GNG12: variants seen among roughly 807,000 people sequenced by gnomAD.
GNG12 encodes the protein G protein subunit gamma 12.
For synonymous variants in GNG12, 28 were observed against 29.7 expected, an observed-to-expected ratio of 0.94 and a Z score of 0.19; for missense variants, 69 against 83.8, an observed-to-expected ratio of 0.82 and a Z score of 0.69.
chr1:67,719,812 C>T (rs1646346850), intron 2 of GNG12, among the ~76,000 whole-genome samples: 1 of 152,208 alleles, frequency 6.6e-6, no homozygotes. Context: ...AGGATTTCAA[C>T]CCAGATATCT....
At chr1:67,813,109 G>C (rs975207005) in intron 1 of GNG12, among the ~76,000 whole-genome samples, 24 of 152,118 alleles carry the variant, frequency 1.6e-4, no homozygotes, top group Non-Finnish European at 4.4e-5. Context: ...TCCTGACTCT[G>C]GCCACTCTTC....
intron 1 of GNG12, among the ~76,000 whole-genome samples, chr1:67,797,288 T>C (rs1223558454): frequency 1.3e-5 from 2 of 152,170 alleles, no homozygotes; most frequent in Non-Finnish European, 2.9e-5. Context: ...CCAAAATTAT[T>C]TTTCTACTCA....
chr1:67,777,790 A>G (rs987109055), intron 1 of GNG12, among the ~76,000 whole-genome samples: 2 of 152,226 alleles, frequency 1.3e-5, no homozygotes, highest in Admixed American at 6.5e-5. Context: ...AGTCAGGGGA[A>G]GCCTCTCTAG....
intron 1 of GNG12, among the ~76,000 whole-genome samples, chr1:67,814,734 G>T (rs2249592): frequency 0.013 from 1,997 of 152,252 alleles, 46 homozygotes; most frequent in African/African-American, 0.046. Context: ...GTCTCTTAAA[G>T]CTATTAGAAA....
intron 1 of GNG12, among the ~76,000 whole-genome samples, chr1:67,780,626 A>T (rs1461848993): frequency 1.3e-5 from 2 of 152,180 alleles, no homozygotes; most frequent in African/African-American, 4.8e-5. Context: ...AGGCCTGATA[A>T]AAACGCACCA....
intron 2 of GNG12, among the ~76,000 whole-genome samples, chr1:67,734,413 T>C (rs1646439849): frequency 6.6e-6 from 1 of 152,220 alleles, no homozygotes; most frequent in African/African-American, 2.4e-5. Flanking sequence ...TGACTACTTC[T>C]GTATGTGCAC....
chr1:67,717,260 A>T (rs1022879525), intron 2 of GNG12, among the ~76,000 whole-genome samples: 12 of 152,170 alleles, frequency 7.9e-5, no homozygotes, highest in African/African-American at 2.7e-4. Flanking sequence ...TCATGCCTGT[A>T]ATCCCAGCAC....
chr1:67,793,170 C>G (rs1646811160), intron 1 of GNG12, among the ~76,000 whole-genome samples: 1 of 152,142 alleles, frequency 6.6e-6, no homozygotes, highest in Non-Finnish European at 1.5e-5. Flanking sequence ...ATATATAAGA[C>G]TTTGGAATCA....
chr1:67,769,401 G>C (rs1244122427), intron 2 of GNG12, among the ~76,000 whole-genome samples: 1 of 152,206 alleles, frequency 6.6e-6, no homozygotes, highest in African/African-American at 2.4e-5. Flanking sequence ...ACATGAGCAT[G>C]AAAGAAAACC....
At chr1:67,728,189 C>T (rs1209670711) in intron 2 of GNG12, among the ~76,000 whole-genome samples, 1 of 152,144 alleles carries the variant, frequency 6.6e-6, no homozygotes, top group Non-Finnish European at 1.5e-5. Flanking sequence ...TTTCATGCAT[C>T]CAGGTGCAAG....
intron 1 of GNG12, among the ~76,000 whole-genome samples, chr1:67,794,829 C>T (rs997812263): frequency 1.3e-5 from 2 of 152,238 alleles, no homozygotes; most frequent in East Asian, 3.9e-4. Context: ...CTTCGGCTTT[C>T]TCAATCCAGA....
chr1:67,755,781 A>T (rs1315326068), intron 2 of GNG12, among the ~76,000 whole-genome samples: 2 of 152,156 alleles, frequency 1.3e-5, no homozygotes, highest in Non-Finnish European at 2.9e-5. Flanking sequence ...ATGAGTCAAG[A>T]GCACTTAGGA....
intron 2 of GNG12, among the ~76,000 whole-genome samples, chr1:67,766,706 C>G (rs1212156810): frequency 6.6e-6 from 1 of 151,756 alleles, no homozygotes; most frequent in Non-Finnish European, 1.5e-5. Context: ...CTCTGTAGGG[C>G]CTCCCTCTGA....
intron 2 of GNG12, among the ~76,000 whole-genome samples, chr1:67,776,141 G>A (rs1414770194): frequency 6.6e-6 from 1 of 152,070 alleles, no homozygotes; most frequent in Non-Finnish European, 1.5e-5. Context: ...AGAAAACCTG[G>A]TATTTGCAAG....
intron 1 of GNG12, among the ~76,000 whole-genome samples, chr1:67,805,880 A>T (rs1472182263): frequency 6.7e-6 from 1 of 150,186 alleles, no homozygotes; most frequent in Non-Finnish European, 1.5e-5. Flanking sequence ...AAAATCAAAG[A>T]TAAAAACTTT....
chr1:67,766,621 TC>T lies in GNG12; in HGVS notation c.-27+10836del, dbSNP rs201861308. Among the ~76,000 whole-genome samples, 316 of 149,942 alleles carry T rather than the reference TC, an allele frequency of 2.1e-3. 3 individuals carry two copies. The highest frequency in any genetic ancestry group is 4.9e-3 in the African/African-American group (201 of 41,044). On this transcript the variant is annotated intron_variant, in intron 2 of 3. Coordinates refer to ENST00000370982, the MANE Select transcript of GNG12 (RefSeq NM_018841.6). The stretch of plus-strand genomic sequence containing the variant: ...TATGTTGGTGTTTTTTTTTTTTTTT[TC>T]CAGGAGAATTTTCCACTGGGGAAAT...
rs539639471 is a variant in GNG12 at position 67,760,771 on chromosome 1, G to A, written c.-27+16687C>T. On this transcript the variant is annotated intron_variant, in intron 2 of 3. Coordinates refer to ENST00000370982, the MANE Select transcript of GNG12 (RefSeq NM_018841.6). ...TGAGTAAGGCACTGTGCCAGATGCCGGGGACATGACAGTAAGCAAGGAGGA... is the reference window on the plus strand; with the variant it reads ...TGAGTAAGGCACTGTGCCAGATGCCAGGGACATGACAGTAAGCAAGGAGGA... Among the ~76,000 whole-genome samples, 5 of 152,286 alleles carry A rather than the reference G, an allele frequency of 3.3e-5. No homozygotes were observed. In the South Asian group the frequency reaches 6.2e-4, roughly 19 times the overall value.
chr1:67,757,355 G>A (rs1646575904), intron 2 of GNG12, among the ~76,000 whole-genome samples: 3 of 152,170 alleles, frequency 2.0e-5, no homozygotes, highest in South Asian at 4.1e-4. Context: ...GGAATGATCA[G>A]CCTACATGAG....
intron 1 of GNG12, among the ~76,000 whole-genome samples, chr1:67,829,370 T>G (rs1213400787): frequency 6.6e-6 from 1 of 152,218 alleles, no homozygotes; most frequent in African/African-American, 2.4e-5. Context: ...TGCAAACCAT[T>G]TCACATTTAA....
Sources: allele counts gnomAD v4.1 joint callset (sites outside exome capture counted in the v4.1 genomes callset), GRCh38; gene constraint gnomAD v4.1.1; transcripts MANE v1.5; gene names NCBI Gene and HGNC (gene_info 2026-07-23, HGNC 2026-07-21).